HDAC4: variants seen among roughly 807,000 people sequenced by gnomAD.
HDAC4 encodes histone deacetylase A.
HDAC4 carries 16 observed loss-of-function variants against 135.1 expected under a neutral mutation model. The ratio of observed to expected loss-of-function variants is 0.12; its 90% CI spans 0.08 to 0.18. HDAC4 has a LOEUF of 0.18. Among genes scored for constraint, HDAC4 ranks in the 10% least tolerant of loss-of-function variants. The pLI is 1.00. For missense variants in HDAC4, 1,143 were observed against 1,511.8 expected (o/e 0.76, Z 4.05); for synonymous variants, 685 against 653.4 (o/e 1.05, Z -0.74).
At chr2:239,170,420 G>A (rs2043377439) in intron 5 of HDAC4, among the ~76,000 whole-genome samples, 1 of 152,098 alleles carries the variant, frequency 6.6e-6, no homozygotes, top group African/African-American at 2.4e-5. Flanking sequence ...TGTCCTATTT[G>A]GAAAAACTTC....
At chr2:239,064,938 A>G (rs1482320644) in intron 24 of HDAC4, among the ~76,000 whole-genome samples, 2 of 152,198 alleles carry the variant, frequency 1.3e-5, no homozygotes, top group Non-Finnish European at 2.9e-5. Context: ...TGCATTTTCC[A>G]GAACAATGCG....
intron 12 of HDAC4, among the ~76,000 whole-genome samples, chr2:239,117,565 CAAAAAA>C (rs34154007): frequency 0.41 from 47,673 of 116,276 alleles, 9,991 homozygotes; most frequent in African/African-American, 0.6. Context: ...CGGGAAGTGG[CAAAAAA>C]AAAAAAAAAA....
chr2:239,142,037 C>A (rs993247260), intron 8 of HDAC4, among the ~76,000 whole-genome samples: 1 of 152,030 alleles, frequency 6.6e-6, no homozygotes, highest in Non-Finnish European at 1.5e-5. Flanking sequence ...GTGAGGAAGG[C>A]GCAGAACATG....
intron 1 of HDAC4, among the ~76,000 whole-genome samples, chr2:239,359,000 C>G (rs548317886): frequency 6.6e-6 from 1 of 152,198 alleles, no homozygotes; most frequent in South Asian, 2.1e-4. Flanking sequence ...TTGAGTTCCC[C>G]ACATACTGGT....
intron 2 of HDAC4, among the ~76,000 whole-genome samples, chr2:239,347,767 G>A (rs1289194494): frequency 3.3e-5 from 5 of 152,086 alleles, no homozygotes; most frequent in African/African-American, 7.2e-5. Context: ...TGCCCACCTC[G>A]GCCTCTCAAA....
chr2:239,344,942 C>T (rs370815840), intron 2 of HDAC4, among the ~76,000 whole-genome samples: 3 of 152,228 alleles, frequency 2.0e-5, no homozygotes, highest in Admixed American at 6.5e-5. Context: ...GGCTGCCCAC[C>T]GCAGGGGCCA....
At chr2:239,292,019 G>A (rs956886436) in intron 2 of HDAC4, among the ~76,000 whole-genome samples, 5 of 151,622 alleles carry the variant, frequency 3.3e-5, no homozygotes, top group African/African-American at 9.7e-5. Flanking sequence ...GGGGCTGCGC[G>A]CACGGCCCAG....
At chr2:239,105,949 G>C (rs570828763) in intron 15 of HDAC4, among the ~76,000 whole-genome samples, 3 of 152,330 alleles carry the variant, frequency 2.0e-5, no homozygotes, top group Non-Finnish European at 4.4e-5. Flanking sequence ...CCGCACTGGA[G>C]AGCTGCCCCA....
At chr2:239,102,575 C>T (rs1012096927) in intron 16 of HDAC4, 4 of 607,848 alleles carry the variant, frequency 6.6e-6, no homozygotes, top group African/African-American at 5.6e-5. Flanking sequence ...AGTTTTTACA[C>T]AAACACACCT....
intron 3 of HDAC4, 37 bp from the exon 4 acceptor site, chr2:239,190,114 G>A (rs562931236): frequency 1.6e-5 from 25 of 1,566,076 alleles, no homozygotes; most frequent in South Asian, 5.6e-5. Flanking sequence ...GGTCACTGCC[G>A]CCCTTTGCTG....
intron 9 of HDAC4, among the ~76,000 whole-genome samples, chr2:239,136,661 G>C (rs1232375119): frequency 2.6e-5 from 4 of 152,234 alleles, no homozygotes; most frequent in African/African-American, 9.6e-5. Context: ...GCAGTATCCA[G>C]AACATGCGGG....
chr2:239,053,186 C>G lies in HDAC4; in HGVS notation c.3231-50G>C, dbSNP rs761275097. The G allele has an allele frequency of 2.0e-5, 32 of 1,609,078 alleles. No homozygotes were observed. The African/African-American group carries it at 2.4e-4, about 12-fold the overall frequency. On this transcript the variant is annotated intron_variant, in intron 26 of 26. Transcript: ENST00000543185. Reference sequence around the variant, plus strand: ...ATGGGGGCGTGGGGCAGGTGCACCACAGAGAGGAGAGAACAGAACGTGGGT... The same window carrying G: ...ATGGGGGCGTGGGGCAGGTGCACCAGAGAGAGGAGAGAACAGAACGTGGGT...
intron 2 of HDAC4, among the ~76,000 whole-genome samples, chr2:239,256,251 T>C (rs985457169): frequency 6.6e-6 from 1 of 152,256 alleles, no homozygotes; most frequent in Non-Finnish European, 1.5e-5. Context: ...CTTTCTCTTT[T>C]AAGGCAGGAG....
rs1559338781 is a variant in HDAC4, at chr2:239,053,058, G to C, written c.*39C>G. The C allele has an allele frequency of 1.9e-6, 3 of 1,612,494 alleles. No homozygotes were observed. The highest frequency in any genetic ancestry group is 2.5e-6 in the Non-Finnish European group (3 of 1,178,500). ...AGTTTCTTGGCTGAGCTTCAAGACAGAGACAGACAGACAAGAGAACAGCAG... is the reference window on the plus strand; with the variant it reads ...AGTTTCTTGGCTGAGCTTCAAGACACAGACAGACAGACAAGAGAACAGCAG... On this transcript the variant is annotated 3_prime_UTR_variant, in exon 27 of 27. Transcript: ENST00000543185.
At chr2:239,147,260 G>C (rs550259201) in intron 7 of HDAC4, among the ~76,000 whole-genome samples, 2 of 152,338 alleles carry the variant, frequency 1.3e-5, no homozygotes, top group South Asian at 4.1e-4. Context: ...CGCATACCAC[G>C]AGGACCGGCT....
intron 4 of HDAC4, among the ~76,000 whole-genome samples, chr2:239,188,870 G>A (rs1445945453): frequency 1.3e-5 from 2 of 152,254 alleles, no homozygotes; most frequent in Non-Finnish European, 2.9e-5. Flanking sequence ...GGCCATGTGA[G>A]TGAGCCTGAA....
intron 2 of HDAC4, among the ~76,000 whole-genome samples, chr2:239,243,508 C>T (rs377045368): frequency 3.6e-4 from 55 of 152,136 alleles, no homozygotes; most frequent in Non-Finnish European, 7.4e-4. Flanking sequence ...TAGACAAAAA[C>T]AATGAAACCG....
At position 239,367,611 on chromosome 2, in the gene HDAC4, T is replaced by G. The variant is rs975531379; in HGVS notation, c.-219-14693A>C. ...CCTGACCTCATGTGATGGGTCACAG[T>G]CAAAACTGTTTGGCGAACAAAATTA... On this transcript the variant is annotated intron_variant, in intron 1 of 26. Coordinates refer to ENST00000543185, the MANE Select transcript of HDAC4 (RefSeq NM_001378414.1). Among the ~76,000 whole-genome samples, 4 of 152,170 alleles carry G rather than the reference T, an allele frequency of 2.6e-5. No homozygotes were observed. The East Asian group carries it at 7.7e-4, about 29-fold the overall frequency.
intron 5 of HDAC4, among the ~76,000 whole-genome samples, chr2:239,170,997 T>C (rs982330663): frequency 3.9e-5 from 6 of 152,150 alleles, no homozygotes; most frequent in African/African-American, 1.4e-4. Context: ...GCTCCAGACC[T>C]GACTGCATTC....
Sources: gnomAD v4.1 joint callset for allele counts (sites outside exome capture counted in the v4.1 genomes callset) on GRCh38, gnomAD v4.1.1 for gene constraint, MANE v1.5 for transcripts, NCBI Gene and HGNC (gene_info 2026-07-23, HGNC 2026-07-21) for gene names.